The following SETBP1 variants were observed in gnomAD, a reference collection of about 807,000 sequenced individuals.
SETBP1 encodes the protein SET-binding protein.
Under a neutral mutation model 101.0 loss-of-function variants are expected in SETBP1, and 9 were observed. The ratio of observed to expected loss-of-function variants is 0.09; its 90% CI spans 0.05 to 0.16. The LOEUF (loss-of-function observed/expected upper bound fraction) is 0.16. Among genes scored for constraint, SETBP1 ranks in the 10% least tolerant of loss-of-function variants. The pLI, the probability that SETBP1 is intolerant of heterozygous loss-of-function variation, is 1.00. For synonymous variants in SETBP1, 818 were observed against 788.5 expected (o/e 1.04, Z -0.63); for missense variants, 1,858 against 2,033.8 (o/e 0.91, Z 1.66).
At chr18:44,786,706 T>A (rs1290880933) in intron 2 of SETBP1, among the ~76,000 whole-genome samples, 1 of 152,310 alleles carries the variant, frequency 6.6e-6, no homozygotes, top group East Asian at 1.9e-4. Flanking sequence ...CATTTTTGGG[T>A]ATTAGTTAAA....
At chr18:44,779,911 A>AAC (rs147617143) in intron 2 of SETBP1, among the ~76,000 whole-genome samples, 432 of 149,752 alleles carry the variant, frequency 2.9e-3, no homozygotes, top group African/African-American at 6.9e-3. Flanking sequence ...TGCAGCCCCG[A>AAC]ACACACACAC....
At chr18:44,806,226 T>TA (rs1599152936) in intron 2 of SETBP1, among the ~76,000 whole-genome samples, 2 of 152,306 alleles carry the variant, frequency 1.3e-5, no homozygotes, top group African/African-American at 4.8e-5. Context: ...TGTTTATTTT[T>TA]AAAAAATCTG....
At chr18:44,942,148 G>A (rs1011921266) in intron 3 of SETBP1, among the ~76,000 whole-genome samples, 2 of 152,124 alleles carry the variant, frequency 1.3e-5, no homozygotes, top group African/African-American at 2.4e-5. Flanking sequence ...TGAGGGACTC[G>A]AGTAGCTTTT....
intron 2 of SETBP1, among the ~76,000 whole-genome samples, chr18:44,868,752 AAGGAAGGAAG>A (rs2069198169): frequency 1.4e-5 from 1 of 73,776 alleles, no homozygotes; most frequent in Non-Finnish European, 3.3e-5. Context: ...GGAAGGAAGG[AAGGAAGGAAG>A]GAAGGAAGGA....
intron 4 of SETBP1, among the ~76,000 whole-genome samples, chr18:44,996,176 A>C (rs2072493992): frequency 1.3e-5 from 2 of 152,282 alleles, no homozygotes; most frequent in South Asian, 4.1e-4. Context: ...AAAGTATAAA[A>C]TACTTATGAG....
At chr18:44,805,655 CA>C (rs1266050943) in intron 2 of SETBP1, among the ~76,000 whole-genome samples, 1 of 152,030 alleles carries the variant, frequency 6.6e-6, no homozygotes, top group African/African-American at 2.4e-5. Flanking sequence ...TTATTTCAGG[CA>C]TTTGCTTTTT....
At chr18:44,745,577 C>T (rs1375497393) in intron 2 of SETBP1, among the ~76,000 whole-genome samples, 1 of 152,168 alleles carries the variant, frequency 6.6e-6, no homozygotes, top group African/African-American at 2.4e-5. Flanking sequence ...AGAGAGTGTC[C>T]TATTACTCTC....
chr18:44,865,696 G>C (rs1156360989), intron 2 of SETBP1, among the ~76,000 whole-genome samples: 1 of 152,178 alleles, frequency 6.6e-6, no homozygotes, highest in African/African-American at 2.4e-5. Flanking sequence ...CCATGCATTT[G>C]GTTAGAGCGT....
chr18:45,029,088 T>C (rs2073234214), intron 4 of SETBP1, among the ~76,000 whole-genome samples: 1 of 152,240 alleles, frequency 6.6e-6, no homozygotes, highest in South Asian at 2.1e-4. Context: ...TCCTTGCCCA[T>C]GCCTATGTCC....
chr18:45,021,180 T>C (rs1380870068), intron 4 of SETBP1, among the ~76,000 whole-genome samples: 2 of 152,242 alleles, frequency 1.3e-5, no homozygotes, highest in Non-Finnish European at 2.9e-5. Context: ...TTCAGTGGTA[T>C]CTATAACTTA....
intron 4 of SETBP1, among the ~76,000 whole-genome samples, chr18:45,016,639 G>A (rs186577582): frequency 2.0e-5 from 3 of 152,210 alleles, no homozygotes; most frequent in Admixed American, 2.0e-4. Flanking sequence ...CTGGCCTGTA[G>A]CCAGGGTTTT....
At chr18:45,004,179 G>A (rs2072676866) in intron 4 of SETBP1, among the ~76,000 whole-genome samples, 2 of 152,202 alleles carry the variant, frequency 1.3e-5, no homozygotes, top group Admixed American at 1.3e-4. Flanking sequence ...GCATAGGTGT[G>A]AACATAGCCC....
At chr18:44,714,895 C>T (rs2144295539) in intron 2 of SETBP1, among the ~76,000 whole-genome samples, 1 of 152,250 alleles carries the variant, frequency 6.6e-6, no homozygotes, top group South Asian at 2.1e-4. Flanking sequence ...AAAGTGTACT[C>T]ACATCTGCCC....
intron 2 of SETBP1, among the ~76,000 whole-genome samples, chr18:44,719,167 C>T (rs983824638): frequency 7.9e-5 from 12 of 151,924 alleles, no homozygotes; most frequent in African/African-American, 2.7e-4. Context: ...TTTTGGAAGA[C>T]GGAACAGAAT....
At chr18:44,793,258 C>T (rs1397499442) in intron 2 of SETBP1, among the ~76,000 whole-genome samples, 1 of 152,192 alleles carries the variant, frequency 6.6e-6, no homozygotes, top group Non-Finnish European at 1.5e-5. Flanking sequence ...AATCAGTGTT[C>T]TAAACCTTTG....
rs759625131 is a variant in SETBP1 at position 44,869,236 on chromosome 18, ACAGCCAGTGACCTTG to A, written c.507_521del (p.Ala170_Leu174del). 4.3e-5 allele frequency: 70 copies of A among 1,613,990 alleles called. No homozygotes were observed. The South Asian group carries it at 4.5e-4, about 10-fold the overall frequency. ...TTTCTTTATTCTTTTGCAGCTCCTCACAGCCAGTGACCTTGCAGCCAGTGACCTCAAAGGATTTCA... is the reference window on the plus strand; with the variant it reads ...TTTCTTTATTCTTTTGCAGCTCCTCACAGCCAGTGACCTCAAAGGATTTCA... On this transcript the variant is annotated inframe_deletion, in exon 3 of 6. Coordinates refer to ENST00000649279, the MANE Select transcript of SETBP1 (RefSeq NM_015559.3).
chr18:45,025,294 T>C (rs904553247), intron 4 of SETBP1, among the ~76,000 whole-genome samples: 1 of 152,222 alleles, frequency 6.6e-6, no homozygotes, highest in Non-Finnish European at 1.5e-5. Flanking sequence ...GTAAATCAAC[T>C]GTATCAGACA....
chr18:45,062,996 AGAATGCTAGCTGTCAGTGAAGAGGCT>A, intron 5 of SETBP1, 57 bp from the exon 6 acceptor site: 1 of 1,580,984 alleles, frequency 6.3e-7, no homozygotes, highest in Non-Finnish European at 8.6e-7. Context: ...ATAGCCAAGT[AGAATGCTAGCTGTCAGTGAAGAGGCT>A]GAGTTGAAGG....
At chr18:44,879,627 C>G (rs1040024686) in intron 3 of SETBP1, among the ~76,000 whole-genome samples, 2 of 152,048 alleles carry the variant, frequency 1.3e-5, no homozygotes, top group Non-Finnish European at 2.9e-5. Flanking sequence ...TAAAGGAAAC[C>G]CACAAAACCT....
Sources: gnomAD v4.1 joint callset for allele counts (sites outside exome capture counted in the v4.1 genomes callset) on GRCh38, gnomAD v4.1.1 for gene constraint, MANE v1.5 for transcripts, NCBI Gene and HGNC (gene_info 2026-07-23, HGNC 2026-07-21) for gene names.